Variants in MAGT1 observed in about 807,000 individuals in gnomAD.
MAGT1 encodes magnesium transporter 1, also known as dolichyl-diphosphooligosaccharide--protein glycosyltransferase subunit MAGT1.
A neutral mutation model predicts 28.4 loss-of-function variants in MAGT1; 4 were observed. The observed-to-expected ratio is 0.14, with a 90% CI of 0.07 to 0.32. The LOEUF (loss-of-function observed/expected upper bound fraction) is 0.32, where lower values mean the gene tolerates loss of function less well. MAGT1 is among the 10% of genes least tolerant of loss of function. The pLI is 1.00. For missense variants in MAGT1, 193 were observed against 264.5 expected, an observed-to-expected ratio of 0.73 and a Z score of 1.88; for synonymous variants, 89 against 89.7, an observed-to-expected ratio of 0.99 and a Z score of 0.04.
intron 7 of MAGT1, among the ~76,000 whole-genome samples, chrX:77,845,431 C>T (rs1245058060): frequency 3.6e-5 from 4 of 111,448 alleles, no homozygotes; most frequent in Non-Finnish European, 7.5e-5. Context: ...GAGCATTTAG[C>T]CCACTTACAT....
chrX:77,836,448 G>A (rs2076918535), intron 8 of MAGT1, among the ~76,000 whole-genome samples: 1 of 111,755 alleles, frequency 8.9e-6, no homozygotes, highest in South Asian at 3.7e-4. Flanking sequence ...CAGTCTCCGT[G>A]ATGTGACTAT....
rs182794089 is a variant in MAGT1, at chrX:77,829,593, A to G, written c.993-358T>C. Among the ~76,000 whole-genome samples, 12 of 111,478 alleles carry G rather than the reference A, an allele frequency of 1.1e-4. No individual in the cohort carries two copies. The East Asian group carries it at 3.4e-3, about 31-fold the overall frequency. On this transcript the variant is annotated intron_variant, in intron 9 of 9. Coordinates refer to ENST00000618282, the MANE Select transcript of MAGT1 (RefSeq NM_001367916.1). ...TCTGAGTAGCTGGGACTACAGGCAC[A>G]TGACACTGCTATTGAATCAACTCTG...
At chrX:77,847,543 C>T (rs2076955426) in intron 7 of MAGT1, among the ~76,000 whole-genome samples, 1 of 111,213 alleles carries the variant, frequency 9.0e-6, no homozygotes, top group Non-Finnish European at 1.9e-5. Context: ...GAGCTGTAGA[C>T]TGGAGCTGTT....
intron 1 of MAGT1, among the ~76,000 whole-genome samples, chrX:77,877,013 C>CAAAA (rs782800456): frequency 4.7e-4 from 5 of 10,627 alleles, no homozygotes; most frequent in Admixed American, 1.2e-3. Flanking sequence ...AACTCCATCT[C>CAAAA]AAAAAAAAAA....
At chrX:77,892,390 G>A (rs1312187855) in intron 1 of MAGT1, among the ~76,000 whole-genome samples, 2 of 111,675 alleles carry the variant, frequency 1.8e-5, no homozygotes, top group African/African-American at 6.6e-5. Flanking sequence ...ACCATTCTCA[G>A]AGAGGGAAGG....
intron 1 of MAGT1, among the ~76,000 whole-genome samples, chrX:77,878,289 C>CAAAAAAAAAA (rs1205547369): frequency 6.6e-4 from 10 of 15,043 alleles, no homozygotes; most frequent in Non-Finnish European, 1.0e-3. Context: ...AACTCTGATG[C>CAAAAAAAAAA]AAAAAAAAAA....
Position 77,894,923 on chromosome X carries a change from G to A in MAGT1, c.102+386C>T, listed in dbSNP as rs907664725. Among the ~76,000 whole-genome samples, 66 of 111,666 alleles carry A rather than the reference G, an allele frequency of 5.9e-4. 2 individuals carry two copies. Among genetic ancestry groups the A allele is most frequent in the Non-Finnish European group, 3.0e-4 (16 of 53,104 alleles). On this transcript the variant is annotated intron_variant, in intron 1 of 9. Transcript: ENST00000618282. ...TGAAATGAAAATGCTAGAAAATAGA[G>A]AACTCTTACACATCATTCAGGGAGT...
Position 77,828,575 on chromosome X carries a change from C to T in MAGT1, c.*645G>A, listed in dbSNP as rs1182137179. 9.0e-6 allele frequency: 1 copy of T among 110,718 alleles called. No individual in the cohort carries two copies. The highest frequency in any genetic ancestry group is 3.3e-5 in the African/African-American group (1 of 30,425). The allele number at this position is 110,718 out of a possible 1,213,427, so 9.1% of individuals were successfully genotyped here. ...CAGCGAGACCGTCTCAAAAAAACAA[C>T]AAAACAAAAACAATCATAGACAGCA... On this transcript the variant is annotated 3_prime_UTR_variant, in exon 10 of 10. Transcript: ENST00000618282.
intron 2 of MAGT1, among the ~76,000 whole-genome samples, chrX:77,871,413 T>A (rs947297836): frequency 9.0e-6 from 1 of 111,648 alleles, no homozygotes; most frequent in South Asian, 3.7e-4. Context: ...ATAAGAAGAG[T>A]CTAGGAATTG....
intron 7 of MAGT1, among the ~76,000 whole-genome samples, chrX:77,851,442 C>T (rs993412940): frequency 1.8e-5 from 2 of 109,471 alleles, no homozygotes; most frequent in Non-Finnish European, 3.8e-5. Context: ...GGTACCATCT[C>T]GGCTCACTGC....
At chrX:77,833,044 G>A (rs1416399150) in intron 8 of MAGT1, among the ~76,000 whole-genome samples, 2 of 111,586 alleles carry the variant, frequency 1.8e-5, no homozygotes, top group Admixed American at 1.9e-4. Flanking sequence ...TAATCACGCT[G>A]TTTGAGGCTG....
intron 1 of MAGT1, among the ~76,000 whole-genome samples, chrX:77,878,408 G>A (rs1401742136): frequency 9.9e-6 from 1 of 100,955 alleles, no homozygotes; most frequent in African/African-American, 3.6e-5. Flanking sequence ...AGGAGGTAGA[G>A]GTTGCAGTGA....
chrX:77,840,384 C>T lies in MAGT1; in HGVS notation c.901+862G>A, dbSNP rs782638017. Among the ~76,000 whole-genome samples the T allele has an allele frequency of 2.8e-5, 3 of 107,402 alleles. No individual in the cohort carries two copies. The East Asian group carries it at 8.8e-4, about 31-fold the overall frequency. 93.3% of individuals were successfully genotyped at this position (107,402 alleles called of 115,157 possible). ...CTGGGAGGCAGAGGATGCAGTGAGCCGAGATTGCACCACTGCACTCCAGCC... is the reference window on the plus strand; with the variant it reads ...CTGGGAGGCAGAGGATGCAGTGAGCTGAGATTGCACCACTGCACTCCAGCC... On this transcript the variant is annotated intron_variant, in intron 8 of 9. Transcript: ENST00000618282.
At chrX:77,873,071 T>C (rs2077024306) in intron 2 of MAGT1, among the ~76,000 whole-genome samples, 3 of 112,516 alleles carry the variant, frequency 2.7e-5, no homozygotes, top group Non-Finnish European at 5.6e-5. Context: ...CCTGCTATTT[T>C]TGTATACTCT....
Position 77,826,600 on chromosome X carries a change from C to G in MAGT1, c.*2620G>C, listed in dbSNP as rs1323198366. The G allele has an allele frequency of 8.9e-6, 1 of 112,902 alleles. No individual in the cohort carries two copies. The highest frequency in any genetic ancestry group is 1.9e-5 in the Non-Finnish European group (1 of 53,333). 9.3% of individuals were successfully genotyped at this position (112,902 alleles called of 1,213,427 possible). A position where few individuals can be genotyped will look rare whatever the true frequency, so the allele number is the denominator to read the frequency against. Reference sequence around the variant, plus strand: ...TAAGTGTAGTAAATTACCTTCTACACATTTTAGCCAGAATGCTGCCTTTCT... The same window carrying G: ...TAAGTGTAGTAAATTACCTTCTACAGATTTTAGCCAGAATGCTGCCTTTCT... On this transcript the variant is annotated 3_prime_UTR_variant, in exon 10 of 10. Transcript: ENST00000618282.
intron 5 of MAGT1, among the ~76,000 whole-genome samples, chrX:77,855,857 G>A (rs1469031335): frequency 9.3e-6 from 1 of 108,086 alleles, no homozygotes; most frequent in Non-Finnish European, 1.9e-5. Context: ...TGCAACCTCC[G>A]CCTCCCAGGT....
At chrX:77,832,807 A>G (rs1458664982) in intron 8 of MAGT1, among the ~76,000 whole-genome samples, 1 of 100,266 alleles carries the variant, frequency 1.0e-5, no homozygotes, top group Non-Finnish European at 2.0e-5. Flanking sequence ...TAGGCGAAAA[A>G]GCAAGCCTCT....
rs1423194694 is a variant in MAGT1, at chrX:77,827,905, A to T, written c.*1315T>A. 9.0e-6 allele frequency: 1 copy of T among 111,580 alleles called. No individual in the cohort carries two copies. The highest frequency in any genetic ancestry group is 1.9e-5 in the Non-Finnish European group (1 of 53,142). 9.2% of individuals were successfully genotyped at this position (111,580 alleles called of 1,213,427 possible). A position where few individuals can be genotyped will look rare whatever the true frequency, so the allele number is the denominator to read the frequency against. Reference sequence around the variant, plus strand: ...GTCACCTTAAAAGAAAACTAAGGAGATGGAATGAATCTGAAATCTTTCTAA... The same window carrying T: ...GTCACCTTAAAAGAAAACTAAGGAGTTGGAATGAATCTGAAATCTTTCTAA... On this transcript the variant is annotated 3_prime_UTR_variant, in exon 10 of 10. Transcript: ENST00000618282.
At chrX:77,891,680 G>A (rs2077083050) in intron 1 of MAGT1, among the ~76,000 whole-genome samples, 1 of 111,829 alleles carries the variant, frequency 8.9e-6, no homozygotes, top group African/African-American at 3.3e-5. Context: ...CTGTAATTCT[G>A]TCACTTTAGG....
Sources: allele counts gnomAD v4.1 joint callset (sites outside exome capture counted in the v4.1 genomes callset), GRCh38; gene constraint gnomAD v4.1.1; transcripts MANE v1.5; gene names NCBI Gene and HGNC (gene_info 2026-07-23, HGNC 2026-07-21).